ADCY1: variants seen among roughly 807,000 people sequenced by gnomAD.
The protein encoded by ADCY1 is adenylate cyclase type 1.
ADCY1 carries 28 observed loss-of-function variants against 105.4 expected under a neutral mutation model. The observed-to-expected ratio is 0.27, with a 90% CI of 0.20 to 0.36. The LOEUF (loss-of-function observed/expected upper bound fraction) is 0.36, where lower values mean the gene tolerates loss of function less well. Ranked by LOEUF, ADCY1 falls within the 10% of genes least tolerant of loss-of-function variation. The pLI, the probability that ADCY1 is intolerant of heterozygous loss-of-function variation, is 1.00. For missense variants in ADCY1, 977 were observed against 1,434.2 expected (o/e 0.68, Z 5.15); for synonymous variants, 655 against 623.8 (o/e 1.05, Z -0.75).
At position 45,620,329 on chromosome 7, in the gene ADCY1, A is replaced by G. The variant is rs528554348; in HGVS notation, c.909-2303A>G. On this transcript the variant is annotated intron_variant, in intron 3 of 19. Transcript: ENST00000297323. ...TTTTACCTATAGTCAACAATAATGT[A>G]TAGTACACTTTAAAAAGAATTAGTG... Among the ~76,000 whole-genome samples, 3 of 152,338 alleles carry G rather than the reference A, an allele frequency of 2.0e-5. No individual in the cohort carries two copies. The East Asian group carries it at 5.8e-4, about 29-fold the overall frequency.
intron 17 of ADCY1, among the ~76,000 whole-genome samples, chr7:45,706,802 A>G (rs755749112): frequency 6.6e-6 from 1 of 152,160 alleles, no homozygotes. Context: ...TTTGCAAGCC[A>G]CCTATCTGAT....
chr7:45,705,605 C>T (rs1312874597), intron 17 of ADCY1, among the ~76,000 whole-genome samples: 1 of 151,982 alleles, frequency 6.6e-6, no homozygotes, highest in Non-Finnish European at 1.5e-5. Context: ...TGCAAAATAC[C>T]CATAGCTTGA....
intron 18 of ADCY1, among the ~76,000 whole-genome samples, chr7:45,709,078 G>T (rs1032108740): frequency 2.0e-5 from 3 of 151,978 alleles, no homozygotes; most frequent in Admixed American, 1.3e-4. Context: ...GGTTGTTTTC[G>T]AATTCAAACA....
At chr7:45,642,597 TTTG>T (rs961094259) in intron 4 of ADCY1, among the ~76,000 whole-genome samples, 8 of 152,186 alleles carry the variant, frequency 5.3e-5, no homozygotes, top group East Asian at 1.9e-4. Flanking sequence ...TGGATCTGCT[TTTG>T]TTGTTGTTGT....
intron 4 of ADCY1, among the ~76,000 whole-genome samples, chr7:45,634,469 C>CT (rs1794345305): frequency 7.5e-6 from 1 of 132,790 alleles, no homozygotes; most frequent in Non-Finnish European, 1.6e-5. Flanking sequence ...TGAATTTTGT[C>CT]TAATTCTTTT....
At position 45,710,544 on chromosome 7, in the gene ADCY1, T is replaced by C; in HGVS notation, c.2949T>C (p.Pro983=). 6.2e-7 allele frequency: 1 copy of C among 1,613,960 alleles called. No individual in the cohort carries two copies. Among genetic ancestry groups the C allele is most frequent in the Non-Finnish European group, 8.5e-7 (1 of 1,179,962 alleles). Residue 983 remains proline (P), a synonymous_variant, in exon 19 of 20, where the codon CCT becomes CCC. Coordinates refer to ENST00000297323, the MANE Select transcript of ADCY1 (RefSeq NM_021116.4). This position sits in a 1 kb window ranked among gnomAD's most constrained non-coding sequence, Gnocchi z 4.7. The stretch of plus-strand genomic sequence containing the variant: ...GTTTTCTAGGCATCAATGTTGGCCC[T>C]GTGGTGGCTGGAGTGATTGGCGCTC... The part of the protein sequence containing the change: ...FVLRVGINVG[P]VVAGVIGARR...
intron 4 of ADCY1, among the ~76,000 whole-genome samples, chr7:45,632,338 A>G (rs942910038): frequency 6.6e-6 from 1 of 152,170 alleles, no homozygotes; most frequent in African/African-American, 2.4e-5. Context: ...TTTAGAATCA[A>G]TTTGTCAGTT....
In ADCY1 at chr7:45,715,845, C is replaced by G. The variant is rs1248491471; in HGVS notation, c.*1850C>G. 1.3e-5 allele frequency: 2 copies of G among 152,698 alleles called. No homozygotes were observed. The highest frequency in any genetic ancestry group is 3.8e-4 in the East Asian group (2 of 5,214). 9.5% of individuals were successfully genotyped at this position (152,698 alleles called of 1,614,324 possible). On this transcript the variant is annotated 3_prime_UTR_variant, in exon 20 of 20. Coordinates refer to ENST00000297323, the MANE Select transcript of ADCY1 (RefSeq NM_021116.4). ...ATGTGGGGGCCCCTGTCTGCCTGTC[C>G]TTAGGGTGTGGATTAGGCTCTGGCT... is the stretch of plus-strand genomic sequence containing the variant.
chr7:45,639,489 A>T, intron 4 of ADCY1, among the ~76,000 whole-genome samples: 1 of 152,296 alleles, frequency 6.6e-6, no homozygotes, highest in South Asian at 2.1e-4. Flanking sequence ...GGCAGCATGG[A>T]GGGGTTCACT....
At chr7:45,625,534 TG>T (rs2115942309) in intron 4 of ADCY1, among the ~76,000 whole-genome samples, 1 of 152,206 alleles carries the variant, frequency 6.6e-6, no homozygotes, top group Non-Finnish European at 1.5e-5. Flanking sequence ...TGTGTGGGAA[TG>T]TACATGAGTG....
Position 45,708,376 on chromosome 7 carries a change from G to C in ADCY1, c.2844G>C (p.Leu948=). The change falls in exon 18 of 20, where the codon CTG becomes CTC. Residue 948 remains leucine (L), a synonymous_variant. Transcript: ENST00000297323. The surrounding 1 kb of genome is among the most constrained non-coding windows in gnomAD (Gnocchi z 4.7). The part of the protein sequence containing the change: ...TKAKKSISSH[L]STLADFAIEM... ...CTAAGAAGTCCATCTCCTCCCACCT[G>C]AGCACGCTGGCGGACTTTGCCATTG... 6.2e-7 allele frequency: 1 copy of C among 1,614,166 alleles called. No individual in the cohort carries two copies. Among genetic ancestry groups the C allele is most frequent in the Non-Finnish European group, 8.5e-7 (1 of 1,179,992 alleles).
Position 45,722,971 on chromosome 7 carries a change from C to G in ADCY1, c.*8976C>G, listed in dbSNP as rs1785505029. 6.6e-6 allele frequency: 1 copy of G among 152,434 alleles called. No homozygotes were observed. The allele number at this position is 152,434 out of a possible 1,614,324, so 9.4% of individuals were successfully genotyped here. ...GAGACAAGTAATTGAATAATTTGTCCTATTTTTATTTTAAAAAAAGTGAAT... is the reference window on the plus strand; with the variant it reads ...GAGACAAGTAATTGAATAATTTGTCGTATTTTTATTTTAAAAAAAGTGAAT... On this transcript the variant is annotated 3_prime_UTR_variant, in exon 20 of 20. Transcript: ENST00000297323.
chr7:45,648,809 G>A lies in ADCY1; in HGVS notation c.1148+12G>A, dbSNP rs78870608. ...ATTGATACCATCACGTAAGTACCCC[G>A]TGGGGCTGAGAGGAGTGGCCTGGGG... On this transcript the variant is annotated intron_variant, in intron 5 of 19. Coordinates refer to ENST00000297323, the MANE Select transcript of ADCY1 (RefSeq NM_021116.4). 61 of 1,612,616 alleles carry A rather than the reference G, an allele frequency of 3.8e-5. No homozygotes were observed. The highest frequency in any genetic ancestry group is 1.7e-4 in the Middle Eastern group (1 of 6,060).
intron 5 of ADCY1, among the ~76,000 whole-genome samples, chr7:45,653,590 G>T (rs1165810520): frequency 6.6e-6 from 1 of 152,218 alleles, no homozygotes. Flanking sequence ...TCTTGGGGCA[G>T]AAAGAAGGGG....
In ADCY1 at chr7:45,577,095, A is replaced by G. The variant is rs150023156; in HGVS notation, c.639+1913A>G. ...TGACTGTCACTGTAGTGGGGAAGGAAGCCCATCCTGGGAGCAAGGATTCTT... is the reference window on the plus strand; with the variant it reads ...TGACTGTCACTGTAGTGGGGAAGGAGGCCCATCCTGGGAGCAAGGATTCTT... On this transcript the variant is annotated intron_variant, in intron 1 of 19. Transcript: ENST00000297323. Among the ~76,000 whole-genome samples, 330 of 152,236 alleles carry G rather than the reference A, an allele frequency of 2.2e-3. 1 individual carries two copies. The highest frequency in any genetic ancestry group is 7.3e-3 in the African/African-American group (302 of 41,530).
At chr7:45,618,358 G>C (rs1793797467) in intron 3 of ADCY1, among the ~76,000 whole-genome samples, 1 of 152,088 alleles carries the variant, frequency 6.6e-6, no homozygotes, top group African/African-American at 2.4e-5. Flanking sequence ...CAGGCAATAA[G>C]ACAAAAACTA....
intron 11 of ADCY1, chr7:45,684,570 C>A: frequency 6.5e-6 from 1 of 154,366 alleles, no homozygotes; most frequent in Non-Finnish European, 1.4e-5. Flanking sequence ...TCTATAAAAC[C>A]TACGTGAACA....
chr7:45,684,270 G>C (rs1784622557), intron 11 of ADCY1: 1 of 152,256 alleles, frequency 6.6e-6, no homozygotes, highest in African/African-American at 2.4e-5. Context: ...TGCTGGACTG[G>C]GTGGATTTGT....
chr7:45,664,690 CTTGT>C (rs1562714475), intron 8 of ADCY1: 1 of 257,588 alleles, frequency 3.9e-6, no homozygotes, highest in African/African-American at 2.2e-5. Flanking sequence ...AGTTTGGTTG[CTTGT>C]TTTTTTTTTT....
Sources: allele counts gnomAD v4.1 joint callset (sites outside exome capture counted in the v4.1 genomes callset), GRCh38; gene constraint gnomAD v4.1.1; non-coding constraint Gnocchi (gnomAD v3.1); transcripts MANE v1.5; gene names NCBI Gene and HGNC (gene_info 2026-07-23, HGNC 2026-07-21).